BCL2: variants seen among roughly 807,000 people sequenced by gnomAD.
BCL2 encodes apoptosis regulator Bcl-2.
A neutral mutation model predicts 14.2 loss-of-function variants in BCL2; 1 was observed. The ratio of observed to expected loss-of-function variants is 0.07; its 90% CI spans 0.02 to 0.33. The LOEUF is 0.33. Ranked by LOEUF, BCL2 falls within the 10% of genes least tolerant of loss-of-function variation. BCL2 has a pLI of 0.99. For missense variants in BCL2, 247 were observed against 305.9 expected, an observed-to-expected ratio of 0.81 and a Z score of 1.44; for synonymous variants, 151 against 137.2, an observed-to-expected ratio of 1.10 and a Z score of -0.70.
chr18:63,185,337 A>G (rs1915569020), intron 2 of BCL2, among the ~76,000 whole-genome samples: 1 of 152,354 alleles, frequency 6.6e-6, no homozygotes, highest in East Asian at 1.9e-4. Flanking sequence ...ACGTCTGACT[A>G]TTTGTGATTT....
At chr18:63,270,122 C>T (rs1911963293) in intron 2 of BCL2, among the ~76,000 whole-genome samples, 1 of 151,024 alleles carries the variant, frequency 6.6e-6, no homozygotes, top group African/African-American at 2.4e-5. Flanking sequence ...ATGAAAAAAG[C>T]TGACGAGTAT....
At chr18:63,219,193 C>G (rs548463299) in intron 2 of BCL2, among the ~76,000 whole-genome samples, 78 of 152,282 alleles carry the variant, frequency 5.1e-4, no homozygotes, top group African/African-American at 1.7e-3. Context: ...TTTACTCTTG[C>G]AGGTTTTTGT....
At chr18:63,267,685 T>A (rs1054362413) in intron 2 of BCL2, among the ~76,000 whole-genome samples, 1 of 152,178 alleles carries the variant, frequency 6.6e-6, no homozygotes, top group Non-Finnish European at 1.5e-5. Flanking sequence ...TAAATATATA[T>A]CCTTGAGAGG....
At chr18:63,291,613 G>A (rs907428314) in intron 2 of BCL2, among the ~76,000 whole-genome samples, 2 of 152,096 alleles carry the variant, frequency 1.3e-5, no homozygotes, top group African/African-American at 2.4e-5. Context: ...TAAAAGACTC[G>A]GGAACACATG....
chr18:63,270,094 C>T (rs1911962333), intron 2 of BCL2, among the ~76,000 whole-genome samples: 1 of 152,154 alleles, frequency 6.6e-6, no homozygotes, highest in African/African-American at 2.4e-5. Flanking sequence ...CATTATTTCA[C>T]CTACTATTTT....
In BCL2 at chr18:63,149,496, G is replaced by A. The variant is rs940341512; in HGVS notation, c.586-20737C>T. Among the ~76,000 whole-genome samples the A allele has an allele frequency of 3.9e-5, 6 of 152,284 alleles. No individual in the cohort carries two copies. The highest frequency in any genetic ancestry group is 1.3e-4 in the Admixed American group (2 of 15,306). Reference sequence around the variant, plus strand: ...TGTTGGCTGGTGCCAGACGACTTTCGCTTGTTCTGTCTCTGTTTCTCTTCT... The same window carrying A: ...TGTTGGCTGGTGCCAGACGACTTTCACTTGTTCTGTCTCTGTTTCTCTTCT... On this transcript the variant is annotated intron_variant, in intron 2 of 2. Coordinates refer to ENST00000333681, the MANE Select transcript of BCL2 (RefSeq NM_000633.3). This position sits in a 1 kb window ranked among gnomAD's most constrained non-coding sequence, Gnocchi z 4.2.
chr18:63,191,545 G>GA (rs1161997520), intron 2 of BCL2, among the ~76,000 whole-genome samples: 1 of 152,200 alleles, frequency 6.6e-6, no homozygotes, highest in Non-Finnish European at 1.5e-5. Context: ...CTACTCATAT[G>GA]AAAAAACACT....
In BCL2 at chr18:63,124,717, T is replaced by C. The variant is rs1283972120; in HGVS notation, c.*3908A>G. 3 of 226,814 alleles carry C rather than the reference T, an allele frequency of 1.3e-5. No homozygotes were observed. Among genetic ancestry groups the C allele is most frequent in the Non-Finnish European group, 2.6e-5 (3 of 113,998 alleles). 14.1% of individuals were successfully genotyped at this position (226,814 alleles called of 1,614,324 possible). ...ATTGGAACCTTCATAAGCTTGACAA[T>C]GTAGAATTGTATTTCTTAAAAAGTG... On this transcript the variant is annotated 3_prime_UTR_variant, in exon 3 of 3. Coordinates refer to ENST00000333681, the MANE Select transcript of BCL2 (RefSeq NM_000633.3).
rs559015384 is a variant in BCL2 at position 63,123,565 on chromosome 18, A to G, written c.*5060T>C. ...ATATCAGCCACCTCTTAAAAGTATCAATCTTAAAAAGAGCCATGGAAGGTA... is the reference window on the plus strand; with the variant it reads ...ATATCAGCCACCTCTTAAAAGTATCGATCTTAAAAAGAGCCATGGAAGGTA... On this transcript the variant is annotated 3_prime_UTR_variant, in exon 3 of 3. Transcript: ENST00000333681. 3.9e-4 allele frequency: 81 copies of G among 208,816 alleles called. No homozygotes were observed. The highest frequency in any genetic ancestry group is 1.7e-3 in the African/African-American group (75 of 44,010). The allele number at this position is 208,816 out of a possible 1,614,324, so 12.9% of individuals were successfully genotyped here. A position where few individuals can be genotyped will look rare whatever the true frequency, so the allele number is the denominator to read the frequency against.
At chr18:63,292,974 G>A (rs527267215) in intron 2 of BCL2, among the ~76,000 whole-genome samples, 3 of 152,318 alleles carry the variant, frequency 2.0e-5, no homozygotes, top group Non-Finnish European at 2.9e-5. Context: ...CCTGGTGGCC[G>A]CTGGACCCTC....
intron 2 of BCL2, among the ~76,000 whole-genome samples, chr18:63,137,203 G>A (rs983094554): frequency 6.6e-6 from 1 of 152,218 alleles, no homozygotes; most frequent in Non-Finnish European, 1.5e-5. Flanking sequence ...GGTTCATTCA[G>A]AGATTCAGCT....
intron 2 of BCL2, among the ~76,000 whole-genome samples, chr18:63,154,841 G>A (rs1914732756): frequency 6.6e-6 from 1 of 152,186 alleles, no homozygotes; most frequent in African/African-American, 2.4e-5. Context: ...AAAGCTGTGT[G>A]CATGTTTGCA....
chr18:63,186,727 C>T (rs1261299946), intron 2 of BCL2, among the ~76,000 whole-genome samples: 7 of 152,186 alleles, frequency 4.6e-5, no homozygotes, highest in African/African-American at 1.7e-4. Flanking sequence ...TAAAGAACTC[C>T]AAACAAAGGT....
chr18:63,307,596 G>C (rs1363614984), intron 2 of BCL2, among the ~76,000 whole-genome samples: 1 of 152,224 alleles, frequency 6.6e-6, no homozygotes, highest in African/African-American at 2.4e-5. Flanking sequence ...AAGCAGGAGA[G>C]CTCATTTTCT....
chr18:63,178,178 C>G (rs1915394332), intron 2 of BCL2, among the ~76,000 whole-genome samples: 1 of 152,222 alleles, frequency 6.6e-6, no homozygotes, highest in Non-Finnish European at 1.5e-5. Context: ...TGCTGCTTTG[C>G]TTAAAAATGA....
At chr18:63,221,211 G>A (rs1452771452) in intron 2 of BCL2, among the ~76,000 whole-genome samples, 1 of 152,122 alleles carries the variant, frequency 6.6e-6, no homozygotes, top group Non-Finnish European at 1.5e-5. Context: ...GTTGGACAAC[G>A]GATCTTTAAA....
chr18:63,123,421 C>CT lies in BCL2; in HGVS notation c.*5203dup. The CT allele has an allele frequency of 5.0e-6, 1 of 198,252 alleles. No individual in the cohort carries two copies. Among genetic ancestry groups the CT allele is most frequent in the Non-Finnish European group, 1.0e-5 (1 of 95,750 alleles). The allele number at this position is 198,252 out of a possible 1,614,324, so 12.3% of individuals were successfully genotyped here. ...CAAGGAAAGTTTAATGGCAATGTGA[C>CT]TTTTTCCAACAACACAAACAAAGTG... On this transcript the variant is annotated 3_prime_UTR_variant, in exon 3 of 3. Transcript: ENST00000333681.
At chr18:63,244,854 T>C (rs1036880569) in intron 2 of BCL2, among the ~76,000 whole-genome samples, 3 of 152,196 alleles carry the variant, frequency 2.0e-5, no homozygotes, top group African/African-American at 4.8e-5. Flanking sequence ...AGACCACAGA[T>C]GCAACTTTTG....
intron 2 of BCL2, among the ~76,000 whole-genome samples, chr18:63,175,066 TATC>T (rs1437487051): frequency 6.6e-6 from 1 of 152,156 alleles, no homozygotes; most frequent in African/African-American, 2.4e-5. Flanking sequence ...CCTCAAATAT[TATC>T]GTCATTCGCA....
Sources: allele counts gnomAD v4.1 joint callset (sites outside exome capture counted in the v4.1 genomes callset), GRCh38; gene constraint gnomAD v4.1.1; non-coding constraint Gnocchi (gnomAD v3.1); transcripts MANE v1.5; gene names NCBI Gene and HGNC (gene_info 2026-07-23, HGNC 2026-07-21).